TRIM24: variants seen among roughly 807,000 people sequenced by gnomAD.
The protein encoded by TRIM24 is tripartite motif containing 24, also known as transcription intermediary factor 1-alpha.
TRIM24 carries 29 observed loss-of-function variants against 123.9 expected under a neutral mutation model. The observed-to-expected ratio is 0.23, with a 90% CI of 0.17 to 0.32. TRIM24 has a LOEUF of 0.32. Ranked by LOEUF, TRIM24 falls within the 10% of genes least tolerant of loss-of-function variation. The probability of loss-of-function intolerance (pLI) is 1.00; values close to 1 mark genes in which losing one functional copy is unlikely to be tolerated. For synonymous variants in TRIM24, 456 were observed against 461.1 expected (o/e 0.99, Z 0.14); for missense variants, 932 against 1,295.3 (o/e 0.72, Z 4.31).
chr7:138,531,132 A>G (rs1796723299), intron 6 of TRIM24, among the ~76,000 whole-genome samples: 1 of 150,740 alleles, frequency 6.6e-6, no homozygotes, highest in Non-Finnish European at 1.5e-5. Flanking sequence ...ATTTATTATT[A>G]TTATTATTAT....
chr7:138,566,851 CATTTT>C (rs1466297212), intron 9 of TRIM24, among the ~76,000 whole-genome samples: 2 of 152,130 alleles, frequency 1.3e-5, no homozygotes, highest in African/African-American at 4.8e-5. Flanking sequence ...ACGATTTGTT[CATTTT>C]GAGTACACCC....
chr7:138,461,034 G>A (rs1014493594), intron 1 of TRIM24, 122 bp downstream of exon 1: 1 of 958,878 alleles, frequency 1.0e-6, no homozygotes, highest in Non-Finnish European at 1.5e-6. Flanking sequence ...GGGGAGGGGC[G>A]AGCAGGAGGG....
chr7:138,517,977 T>C (rs1796434938), intron 3 of TRIM24, among the ~76,000 whole-genome samples: 1 of 152,224 alleles, frequency 6.6e-6, no homozygotes, highest in Admixed American at 6.5e-5. Flanking sequence ...ATTGGCACAA[T>C]TATTTAGCTT....
At chr7:138,516,141 C>T (rs1261880670) in intron 3 of TRIM24, among the ~76,000 whole-genome samples, 1 of 151,976 alleles carries the variant, frequency 6.6e-6, no homozygotes, top group Non-Finnish European at 1.5e-5. Context: ...GTACTAAAAA[C>T]ATACAAAAAA....
At chr7:138,575,792 C>G (rs956768128) in intron 12 of TRIM24, among the ~76,000 whole-genome samples, 11 of 152,098 alleles carry the variant, frequency 7.2e-5, no homozygotes, top group Admixed American at 7.2e-4. Context: ...GCTTCTTAAT[C>G]TTTTTAGGGC....
chr7:138,573,215 C>T lies in TRIM24; in HGVS notation c.1879-292C>T, dbSNP rs559294079. Among the ~76,000 whole-genome samples, 9 of 152,192 alleles carry T rather than the reference C, an allele frequency of 5.9e-5. No individual in the cohort carries two copies. In the East Asian group the frequency reaches 1.5e-3, roughly 26 times the overall value. ...TGTTTTTCATATGGCAAGCTTTTGT[C>T]GTTTATAAGAATTTTTTCAATTTTT... On this transcript the variant is annotated intron_variant, in intron 11 of 18. Transcript: ENST00000343526.
At chr7:138,578,435 G>A (rs1458936229) in intron 14 of TRIM24, among the ~76,000 whole-genome samples, 1 of 152,004 alleles carries the variant, frequency 6.6e-6, no homozygotes, top group African/African-American at 2.4e-5. Context: ...AATAGATACT[G>A]GCAATAAACA....
intron 2 of TRIM24, among the ~76,000 whole-genome samples, chr7:138,510,402 GTTTT>G (rs919327660): frequency 6.6e-6 from 1 of 151,670 alleles, no homozygotes; most frequent in Admixed American, 6.6e-5. Flanking sequence ...TGTGTGTGTG[GTTTT>G]TTTTGTTTGT....
chr7:138,476,840 G>A (rs1388128476), intron 1 of TRIM24, among the ~76,000 whole-genome samples: 10 of 152,082 alleles, frequency 6.6e-5, no homozygotes, highest in African/African-American at 2.4e-4. Flanking sequence ...AAAGTGAGGC[G>A]TGCACAGTGT....
At chr7:138,461,291 A>C in intron 1 of TRIM24, 1 of 548,222 alleles carries the variant, frequency 1.8e-6, no homozygotes. Flanking sequence ...GCCTCCACAA[A>C]GCTTTGTCCA....
At chr7:138,475,702 C>T (rs1016787649) in intron 1 of TRIM24, among the ~76,000 whole-genome samples, 1 of 152,210 alleles carries the variant, frequency 6.6e-6, no homozygotes, top group African/African-American at 2.4e-5. Context: ...GTAGAGATGA[C>T]GTTTTGCCAT....
chr7:138,551,873 T>C (rs1797219323), intron 8 of TRIM24, among the ~76,000 whole-genome samples: 1 of 152,224 alleles, frequency 6.6e-6, no homozygotes, highest in African/African-American at 2.4e-5. Context: ...GGGAAGACTT[T>C]TAGTTTTCTT....
chr7:138,536,919 C>T (rs1180564668), intron 6 of TRIM24, among the ~76,000 whole-genome samples: 2 of 152,318 alleles, frequency 1.3e-5, no homozygotes, highest in Non-Finnish European at 1.5e-5. Flanking sequence ...CAATGGTGGG[C>T]GCCCCTTCCC....
chr7:138,493,319 A>G (rs2116503546), intron 1 of TRIM24, among the ~76,000 whole-genome samples: 1 of 152,318 alleles, frequency 6.6e-6, no homozygotes, highest in East Asian at 1.9e-4. Flanking sequence ...TTTGTTGAGA[A>G]CCAAACAATT....
chr7:138,502,753 T>C (rs978414812), intron 1 of TRIM24, among the ~76,000 whole-genome samples: 1 of 152,196 alleles, frequency 6.6e-6, no homozygotes, highest in African/African-American at 2.4e-5. Context: ...AGATTTTAAG[T>C]ATTAATTCTT....
intron 9 of TRIM24, among the ~76,000 whole-genome samples, chr7:138,557,154 T>C (rs574418375): frequency 1.3e-5 from 2 of 152,346 alleles, no homozygotes; most frequent in South Asian, 4.1e-4. Context: ...GGAGAGTCTC[T>C]GGAGCTCCTT....
chr7:138,565,116 C>T (rs1210546208), intron 9 of TRIM24, among the ~76,000 whole-genome samples: 3 of 152,102 alleles, frequency 2.0e-5, no homozygotes, highest in South Asian at 2.1e-4. Flanking sequence ...AAGAGAACTG[C>T]GGCCCCCACA....
At chr7:138,549,372 G>A (rs1797165254) in intron 7 of TRIM24, among the ~76,000 whole-genome samples, 1 of 152,114 alleles carries the variant, frequency 6.6e-6, no homozygotes, top group Admixed American at 6.5e-5. Flanking sequence ...CACCAACAAT[G>A]GAGACTGAGA....
intron 1 of TRIM24, among the ~76,000 whole-genome samples, chr7:138,484,882 T>C (rs1399757822): frequency 6.6e-6 from 1 of 152,166 alleles, no homozygotes; most frequent in African/African-American, 2.4e-5. Flanking sequence ...TCTATAGGAC[T>C]CTATTCTACT....
Sources: gnomAD v4.1 joint callset for allele counts (sites outside exome capture counted in the v4.1 genomes callset) on GRCh38, gnomAD v4.1.1 for gene constraint, MANE v1.5 for transcripts, NCBI Gene and HGNC (gene_info 2026-07-23, HGNC 2026-07-21) for gene names.